NPIPB2: variants seen among roughly 807,000 people sequenced by gnomAD.
NPIPB2 encodes the protein nuclear pore complex interacting protein family member B2.
A neutral mutation model predicts 30.8 loss-of-function variants in NPIPB2; 27 were observed. The observed-to-expected ratio is 0.88, with a 90% CI of 0.65 to 1.21. The LOEUF (loss-of-function observed/expected upper bound fraction) is 1.21. Among genes scored for constraint, NPIPB2 ranks in the 50% most tolerant of loss-of-function variants. NPIPB2 has a pLI of 0.00. For synonymous variants in NPIPB2, 147 were observed against 162.0 expected, an observed-to-expected ratio of 0.91 and a Z score of 0.70; for missense variants, 440 against 446.2, an observed-to-expected ratio of 0.99 and a Z score of 0.13.
chr16:11,965,438 G>C (rs774030022), intron 1 of NPIPB2: 1 of 1,614,108 alleles, frequency 6.2e-7, no homozygotes, highest in Non-Finnish European at 8.5e-7. Flanking sequence ...TAACATGTCA[G>C]CGTTATTGTA....
intron 1 of NPIPB2, among the ~76,000 whole-genome samples, chr16:11,939,201 T>TTA (rs2054906226): frequency 6.8e-6 from 1 of 146,764 alleles, no homozygotes; most frequent in South Asian, 2.1e-4. Context: ...TCAGCATAAG[T>TTA]AAAAAAAAAA....
chr16:11,967,863 C>A (rs539311998), intron 1 of NPIPB2: 3 of 1,607,026 alleles, frequency 1.9e-6, no homozygotes, highest in Non-Finnish European at 2.6e-6. Flanking sequence ...CATTTCGACT[C>A]GAGCAGTGCC....
At chr16:11,947,334 A>ATT (rs1555509095) in intron 1 of NPIPB2, among the ~76,000 whole-genome samples, 2,766 of 144,906 alleles carry the variant, frequency 0.019, 40 homozygotes, top group Non-Finnish European at 0.03. Flanking sequence ...ATATATATAT[A>ATT]TATTTATTTA....
chr16:11,967,706 C>G (rs759685287), intron 1 of NPIPB2: 1 of 1,614,150 alleles, frequency 6.2e-7, no homozygotes, highest in Non-Finnish European at 8.5e-7. Context: ...AACCGAAGGT[C>G]GACTCTGACC....
intron 1 of NPIPB2, among the ~76,000 whole-genome samples, chr16:11,964,229 G>T (rs1019753926): frequency 8.6e-5 from 13 of 151,734 alleles, no homozygotes; most frequent in African/African-American, 3.2e-4. Context: ...TTTTAAAATG[G>T]TTTTATCTGC....
chr16:11,933,050 C>A (rs2054812202), intron 4 of NPIPB2, among the ~76,000 whole-genome samples: 1 of 151,090 alleles, frequency 6.6e-6, no homozygotes, highest in African/African-American at 2.4e-5. Flanking sequence ...TACCTGAGGT[C>A]AGAAGTTCGA....
intron 1 of NPIPB2, among the ~76,000 whole-genome samples, chr16:11,940,736 G>A (rs1462371499): frequency 7.1e-6 from 1 of 140,338 alleles, no homozygotes; most frequent in Non-Finnish European, 1.5e-5. Context: ...CTCCAGCCTG[G>A]GCGACAGAGT....
upstream of NPIPB2, among the ~76,000 whole-genome samples, chr16:11,943,497 T>C (rs1439666666): frequency 1.5e-5 from 2 of 134,144 alleles, no homozygotes; most frequent in Non-Finnish European, 3.2e-5. Flanking sequence ...AGGTTAGGAG[T>C]TCGAGACCAG....
intron 2 of NPIPB2, among the ~76,000 whole-genome samples, chr16:11,934,959 A>AG (rs2054846064): frequency 6.9e-6 from 1 of 145,230 alleles, no homozygotes; most frequent in South Asian, 2.3e-4. Flanking sequence ...ATTTTACCAC[A>AG]GGTTAACATG....
rs577558529 is a variant in NPIPB2 at position 11,958,287 on chromosome 16, G to A, written c.-583-16173C>T. Among the ~76,000 whole-genome samples the A allele has an allele frequency of 5.9e-5, 9 of 151,982 alleles. No homozygotes were observed. In the East Asian group the frequency reaches 9.7e-4, roughly 16 times the overall value. ...CTAAAAATACAAAATTAAGCTGGGC[G>A]TGGTGGGTGGGTGCCTGTAATCCCA... On this transcript the variant is annotated intron_variant, in intron 1 of 5. Transcript: ENST00000538896.
At chr16:11,952,175 CAA>C (rs112970450) in intron 1 of NPIPB2, among the ~76,000 whole-genome samples, 1 of 128,846 alleles carries the variant, frequency 7.8e-6, no homozygotes, top group Non-Finnish European at 1.6e-5. Flanking sequence ...AAAAACAAAA[CAA>C]AAAAAAAAAC....
intron 1 of NPIPB2, 90 bp downstream of exon 1, chr16:11,941,893 C>A (rs2054947128): frequency 1.1e-6 from 1 of 947,770 alleles, no homozygotes; most frequent in African/African-American, 1.7e-5. Flanking sequence ...GCGCTCCTTC[C>A]TTCCTGAGCT....
chr16:11,947,169 G>T (rs946484610), intron 1 of NPIPB2, among the ~76,000 whole-genome samples: 3 of 146,686 alleles, frequency 2.0e-5, no homozygotes, highest in Non-Finnish European at 4.5e-5. Context: ...GCTCAGGCAG[G>T]TCTCAAACTC....
upstream of NPIPB2, among the ~76,000 whole-genome samples, chr16:11,944,786 T>G (rs1311575491): frequency 1.4e-5 from 1 of 69,358 alleles, no homozygotes; most frequent in African/African-American, 5.9e-5. Context: ...AAACAAAACA[T>G]ATACAAAAGA....
At chr16:11,949,403 T>G (rs1198720201) in intron 1 of NPIPB2, among the ~76,000 whole-genome samples, 2 of 152,172 alleles carry the variant, frequency 1.3e-5, no homozygotes, top group Non-Finnish European at 2.9e-5. Context: ...GCAAAGCAGA[T>G]TCCCACCCAG....
In NPIPB2 at chr16:11,930,555, A is replaced by C. The variant is rs1051027244; in HGVS notation, c.489-4T>G. The C allele has an allele frequency of 1.3e-6, 2 of 1,571,664 alleles. No individual in the cohort carries two copies. Among genetic ancestry groups the C allele is most frequent in the African/African-American group, 2.7e-5 (2 of 72,746 alleles). On this transcript the variant is annotated splice_region_variant and splice_polypyrimidine_tract_variant and intron_variant, in intron 4 of 7. Transcript: ENST00000399147. ...ACATTCTTTCACGCTTAGTTTCCTC[A>C]GATTAGAAGGGAGAGAAATGCACAC...
chr16:11,936,536 ATT>A (rs1167010968), intron 2 of NPIPB2, among the ~76,000 whole-genome samples: 5 of 150,274 alleles, frequency 3.3e-5, no homozygotes, highest in Non-Finnish European at 5.9e-5. Flanking sequence ...GCATTGTGGT[ATT>A]AGTACTTTTA....
At chr16:11,942,082 C>T, upstream of NPIPB2, 1 of 1,518,912 alleles carries the variant, frequency 6.6e-7, no homozygotes, top group Non-Finnish European at 8.8e-7. Context: ...TAAACCATCT[C>T]CATCACATCC....
chr16:11,956,446 C>T lies in NPIPB2; in HGVS notation c.-583-14332G>A, dbSNP rs532212090. ...ATTTCAGCGCTTTGGGAGGCTGAGG[C>T]GGGCAGATCACCTGAGGTCAGGAGT... On this transcript the variant is annotated intron_variant, in intron 1 of 5. Transcript: ENST00000538896. 3.5e-4 allele frequency among the ~76,000 whole-genome samples: 53 copies of T among 152,268 alleles called. No homozygotes were observed. The East Asian group carries it at 8.1e-3, about 23-fold the overall frequency.
Sources: gnomAD v4.1 joint callset for allele counts (sites outside exome capture counted in the v4.1 genomes callset) on GRCh38, gnomAD v4.1.1 for gene constraint, MANE v1.5 for transcripts, NCBI Gene and HGNC (gene_info 2026-07-23, HGNC 2026-07-21) for gene names.